Variants in CRPPA observed in about 807,000 individuals in gnomAD.
CRPPA encodes D-ribitol-5-phosphate cytidylyltransferase.
CRPPA carries 43 observed loss-of-function variants against 52.0 expected under a neutral mutation model. The observed-to-expected ratio is 0.83, with a 90% CI of 0.65 to 1.07. CRPPA has a LOEUF of 1.07. Ranked by LOEUF, CRPPA falls within the 50% of genes least tolerant of loss-of-function variation. The pLI is 0.00. For synonymous variants in CRPPA, 250 were observed against 203.5 expected (o/e 1.23, Z -1.94); for missense variants, 629 against 551.7 (o/e 1.14, Z -1.40).
At chr7:16,109,335 T>G (rs1782215158) in intron 9 of CRPPA, among the ~76,000 whole-genome samples, 1 of 151,788 alleles carries the variant, frequency 6.6e-6, no homozygotes. Flanking sequence ...CCTAGATACC[T>G]ACAAACTACC....
At chr7:16,204,461 G>A (rs1297395695) in intron 9 of CRPPA, among the ~76,000 whole-genome samples, 1 of 152,104 alleles carries the variant, frequency 6.6e-6, no homozygotes, top group Non-Finnish European at 1.5e-5. Flanking sequence ...AGACATTGGA[G>A]ACTTGGAAGC....
intron 3 of CRPPA, among the ~76,000 whole-genome samples, chr7:16,338,053 T>A (rs956174705): frequency 6.6e-6 from 1 of 152,068 alleles, no homozygotes; most frequent in Non-Finnish European, 1.5e-5. Context: ...GAAAACAAAG[T>A]TACAGGCTAA....
At chr7:16,272,156 G>A (rs1444996795) in intron 6 of CRPPA, among the ~76,000 whole-genome samples, 1 of 152,156 alleles carries the variant, frequency 6.6e-6, no homozygotes, top group East Asian at 1.9e-4. Context: ...GAAAAACGGA[G>A]GAGGAAAATA....
At chr7:16,189,815 A>C (rs1781572103) in intron 9 of CRPPA, among the ~76,000 whole-genome samples, 2 of 152,158 alleles carry the variant, frequency 1.3e-5, no homozygotes, top group African/African-American at 4.8e-5. Flanking sequence ...TACAGACCAC[A>C]CAGAGAATCC....
At chr7:16,202,176 C>T (rs938109732) in intron 9 of CRPPA, among the ~76,000 whole-genome samples, 7 of 152,062 alleles carry the variant, frequency 4.6e-5, no homozygotes, top group African/African-American at 1.4e-4. Context: ...ATCTCTGAAT[C>T]CCTGGGATAA....
chr7:16,219,540 C>T (rs1245908926), intron 8 of CRPPA, among the ~76,000 whole-genome samples: 43 of 108,490 alleles, frequency 4.0e-4, no homozygotes, highest in African/African-American at 1.4e-3. Context: ...ATTGATAGAC[C>T]GCTAGCAAGA....
chr7:16,120,084 T>C lies in CRPPA; in HGVS notation c.1252-28285A>G, dbSNP rs143354803. 5.4e-3 allele frequency among the ~76,000 whole-genome samples: 817 copies of C among 152,244 alleles called. 10 individuals are homozygous for C. Among genetic ancestry groups the C allele is most frequent in the African/African-American group, 0.019 (795 of 41,538 alleles). On this transcript the variant is annotated intron_variant, in intron 9 of 9. Coordinates refer to ENST00000407010, the MANE Select transcript of CRPPA (RefSeq NM_001101426.4). ...CACTGTTGTGTAATGGAACCTGAGA[T>C]TAAAAAGCCATAAAGAAGAAAATGG...
intron 9 of CRPPA, among the ~76,000 whole-genome samples, chr7:16,210,312 G>C (rs1473788009): frequency 6.6e-6 from 1 of 152,188 alleles, no homozygotes; most frequent in Non-Finnish European, 1.5e-5. Context: ...GTGGTAGGCA[G>C]CATTTGATAT....
intron 8 of CRPPA, among the ~76,000 whole-genome samples, chr7:16,219,847 C>T (rs904854935): frequency 2.0e-5 from 3 of 150,766 alleles, no homozygotes; most frequent in Admixed American, 6.6e-5. Context: ...GATTCACAGC[C>T]AAATTCTATC....
At chr7:16,225,196 C>T (rs1381137641) in intron 8 of CRPPA, among the ~76,000 whole-genome samples, 3 of 151,914 alleles carry the variant, frequency 2.0e-5, no homozygotes, top group Non-Finnish European at 4.4e-5. Flanking sequence ...TACACTGTTT[C>T]AAATCCTTAT....
intron 9 of CRPPA, among the ~76,000 whole-genome samples, chr7:16,142,135 T>A (rs1384183775): frequency 6.6e-6 from 1 of 152,188 alleles, no homozygotes; most frequent in Non-Finnish European, 1.5e-5. Context: ...TAAAGGGGCA[T>A]CTAAGAGCTC....
chr7:16,389,915 A>C (rs1265240774), intron 2 of CRPPA, among the ~76,000 whole-genome samples: 4 of 48,186 alleles, frequency 8.3e-5, no homozygotes, highest in Non-Finnish European at 1.5e-4. Context: ...CTAGTATACA[A>C]AAAAAAAAAA....
chr7:16,263,514 G>C (rs1004912218), intron 6 of CRPPA, among the ~76,000 whole-genome samples: 1 of 152,188 alleles, frequency 6.6e-6, no homozygotes, highest in Non-Finnish European at 1.5e-5. Flanking sequence ...CACTCTGGGA[G>C]GCCGAGGTGG....
chr7:16,407,085 C>T (rs1055344465), intron 1 of CRPPA, among the ~76,000 whole-genome samples: 2 of 152,190 alleles, frequency 1.3e-5, no homozygotes, highest in South Asian at 2.1e-4. Context: ...AAACGATTCT[C>T]GTGCCTCAGC....
chr7:16,421,302 G>A lies in CRPPA; in HGVS notation c.21C>T (p.Gly7=), dbSNP rs1788332813. The A allele has an allele frequency of 8.7e-6, 11 of 1,261,904 alleles. No homozygotes were observed. Among genetic ancestry groups the A allele is most frequent in the Non-Finnish European group, 1.1e-5 (11 of 999,352 alleles). The allele number at this position is 1,261,904 out of a possible 1,614,324, so 78.2% of individuals were successfully genotyped here. A position where few individuals can be genotyped will look rare whatever the true frequency, so the allele number is the denominator to read the frequency against. The change falls in exon 1 of 10, where the codon GGC becomes GGT. Residue 7 remains glycine, a synonymous_variant. Transcript: ENST00000407010. ...GACCCGGCTCCGCCGGCCTGGCGCT[G>A]CCCGGCGGCCCGGCCTCCATGGCTG... MEAGPP[G]SARPAEPGPC... is the part of the protein sequence containing the mutation.
chr7:16,177,874 T>A (rs1220712407), intron 9 of CRPPA, among the ~76,000 whole-genome samples: 1 of 152,120 alleles, frequency 6.6e-6, no homozygotes, highest in East Asian at 1.9e-4. Context: ...CTGGAATTTC[T>A]GTGAGCCTAA....
intron 9 of CRPPA, among the ~76,000 whole-genome samples, chr7:16,127,299 T>C (rs1782599265): frequency 6.6e-6 from 1 of 152,144 alleles, no homozygotes; most frequent in African/African-American, 2.4e-5. Context: ...AGAAAAATGA[T>C]GACTGGTGTC....
chr7:16,340,877 A>C (rs553906352), intron 3 of CRPPA, among the ~76,000 whole-genome samples: 14 of 152,298 alleles, frequency 9.2e-5, no homozygotes, highest in Non-Finnish European at 1.9e-4. Flanking sequence ...AGGTGAATGA[A>C]TATAGAAACT....
chr7:16,193,427 A>T (rs1781658085), intron 9 of CRPPA, among the ~76,000 whole-genome samples: 1 of 152,124 alleles, frequency 6.6e-6, no homozygotes, highest in Non-Finnish European at 1.5e-5. Context: ...AATTCTTACT[A>T]AACACTTGTG....
Sources: gnomAD v4.1 joint callset for allele counts (sites outside exome capture counted in the v4.1 genomes callset) on GRCh38, gnomAD v4.1.1 for gene constraint, MANE v1.5 for transcripts, NCBI Gene and HGNC (gene_info 2026-07-23, HGNC 2026-07-21) for gene names.